The following TMEM132D variants were observed in gnomAD, a reference collection of about 807,000 sequenced individuals.
TMEM132D encodes mature OL transmembrane protein.
A neutral mutation model predicts 62.3 loss-of-function variants in TMEM132D; 21 were observed. The ratio of observed to expected loss-of-function variants is 0.34; its 90% CI spans 0.24 to 0.49. TMEM132D has a LOEUF of 0.49. TMEM132D is among the 20% of genes least tolerant of loss of function. TMEM132D has a pLI of 0.99. For synonymous variants in TMEM132D, 621 were observed against 575.6 expected, an observed-to-expected ratio of 1.08 and a Z score of -1.13; for missense variants, 1,346 against 1,402.8, an observed-to-expected ratio of 0.96 and a Z score of 0.65.
intron 1 of TMEM132D, among the ~76,000 whole-genome samples, chr12:129,778,745 G>C (rs1225470852): frequency 6.6e-6 from 1 of 152,162 alleles, no homozygotes; most frequent in African/African-American, 2.4e-5. Flanking sequence ...ACTATGGAGG[G>C]AGCTGCTATA....
chr12:129,384,071 A>G (rs1871035996), intron 3 of TMEM132D, among the ~76,000 whole-genome samples: 2 of 152,254 alleles, frequency 1.3e-5, no homozygotes, highest in Non-Finnish European at 2.9e-5. Flanking sequence ...TCGTAAAAAA[A>G]GATCTGAGAA....
rs907579509 is a variant in TMEM132D at position 129,362,528 on chromosome 12, TA to T, written c.1116-24712del. 1.6e-3 allele frequency among the ~76,000 whole-genome samples: 238 copies of T among 147,374 alleles called. 2 individuals are homozygous for T. Among genetic ancestry groups the T allele is most frequent in the African/African-American group, 4.9e-3 (197 of 40,216 alleles). The stretch of plus-strand genomic sequence containing the variant: ...TCTTTCATCTCCACATCATGACATT[TA>T]AAAAAAAAACATATTCGCCTGGAAA... On this transcript the variant is annotated intron_variant, in intron 3 of 8. Transcript: ENST00000422113.
intron 5 of TMEM132D, among the ~76,000 whole-genome samples, chr12:129,191,841 A>C (rs893165213): frequency 6.6e-6 from 1 of 152,164 alleles, no homozygotes; most frequent in African/African-American, 2.4e-5. Flanking sequence ...CATGAGGGGC[A>C]GGGACTTTTT....
chr12:129,144,342 T>G (rs944177194), intron 5 of TMEM132D, among the ~76,000 whole-genome samples: 1 of 152,176 alleles, frequency 6.6e-6, no homozygotes, highest in African/African-American at 2.4e-5. Context: ...ACTCTGGGTG[T>G]AATGTCAAAA....
chr12:129,540,445 C>T (rs1876553393), intron 2 of TMEM132D, among the ~76,000 whole-genome samples: 1 of 152,024 alleles, frequency 6.6e-6, no homozygotes, highest in African/African-American at 2.4e-5. Flanking sequence ...AATCAATCTG[C>T]CTCTGGGTGT....
In TMEM132D at chr12:129,433,881, A is replaced by G. The variant is rs79916225; in HGVS notation, c.1116-96064T>C. On this transcript the variant is annotated intron_variant, in intron 3 of 8. Coordinates refer to ENST00000422113, the MANE Select transcript of TMEM132D (RefSeq NM_133448.3). ...GAGAGTTACTGGGCCTGAAGAGACC[A>G]TATGCCAAACCAAACTGACAGTCAG... Among the ~76,000 whole-genome samples the G allele has an allele frequency of 1.2e-3, 179 of 152,334 alleles. 6 individuals carry two copies. In the East Asian group the frequency reaches 0.029, roughly 25 times the overall value.
At chr12:129,468,800 G>A (rs964946241) in intron 3 of TMEM132D, among the ~76,000 whole-genome samples, 8 of 152,146 alleles carry the variant, frequency 5.3e-5, no homozygotes, top group Admixed American at 3.9e-4. Context: ...AGTGCTCCAA[G>A]CTGAAGGTGT....
chr12:129,698,245 G>A (rs1158884437), intron 2 of TMEM132D: 1 of 151,844 alleles, frequency 6.6e-6, no homozygotes, highest in Non-Finnish European at 1.5e-5. Flanking sequence ...GGAAGGGAAC[G>A]CTAATGAAGG....
chr12:129,370,490 T>C (rs1009947357), intron 3 of TMEM132D, among the ~76,000 whole-genome samples: 2 of 152,172 alleles, frequency 1.3e-5, no homozygotes, highest in East Asian at 1.9e-4. Flanking sequence ...ACAACTTGTA[T>C]AGTCAGGTTC....
chr12:129,825,777 G>A, intron 1 of TMEM132D, among the ~76,000 whole-genome samples: 1 of 152,084 alleles, frequency 6.6e-6, no homozygotes, highest in Non-Finnish European at 1.5e-5. Flanking sequence ...TAAAGCGAGG[G>A]GTATAACCAG....
Position 129,388,281 on chromosome 12 carries a change from C to T in TMEM132D, c.1116-50464G>A, listed in dbSNP as rs1275713778. 1.4e-4 allele frequency among the ~76,000 whole-genome samples: 17 copies of T among 125,800 alleles called. 1 individual carries two copies. In the East Asian group the frequency reaches 3.5e-3, roughly 26 times the overall value. The allele number at this position is 125,800 out of a possible 152,430, so 82.5% of individuals were successfully genotyped here. A position where few individuals can be genotyped will look rare whatever the true frequency, so the allele number is the denominator to read the frequency against. Reference sequence around the variant, plus strand: ...CACCAATACTAACACCAACACCAATCCAGCACTGATGATAATATTAACACT... The same window carrying T: ...CACCAATACTAACACCAACACCAATTCAGCACTGATGATAATATTAACACT... On this transcript the variant is annotated intron_variant, in intron 3 of 8. Transcript: ENST00000422113.
intron 4 of TMEM132D, chr12:129,262,860 GATA>G (rs1286272284): frequency 1.3e-5 from 2 of 152,218 alleles, no homozygotes; most frequent in African/African-American, 4.8e-5. Flanking sequence ...TTCAGTTCTA[GATA>G]TCTTTTCCAG....
chr12:129,822,011 A>G (rs1415147367), intron 1 of TMEM132D, among the ~76,000 whole-genome samples: 1 of 152,214 alleles, frequency 6.6e-6, no homozygotes, highest in Non-Finnish European at 1.5e-5. Flanking sequence ...CAAAAGACAG[A>G]CGTGATCTTT....
At chr12:129,533,137 T>A (rs543930388) in intron 2 of TMEM132D, among the ~76,000 whole-genome samples, 1 of 152,320 alleles carries the variant, frequency 6.6e-6, no homozygotes, top group East Asian at 1.9e-4. Flanking sequence ...TCAGCATTTT[T>A]AGAAAATGAT....
intron 4 of TMEM132D, among the ~76,000 whole-genome samples, chr12:129,213,682 G>C (rs1879116816): frequency 6.6e-6 from 1 of 152,164 alleles, no homozygotes; most frequent in African/African-American, 2.4e-5. Flanking sequence ...GAGGAAGCAA[G>C]GGAGAAGAAC....
At chr12:129,461,580 C>A (rs1243041548) in intron 3 of TMEM132D, among the ~76,000 whole-genome samples, 2 of 152,074 alleles carry the variant, frequency 1.3e-5, no homozygotes, top group Non-Finnish European at 2.9e-5. Context: ...TATTCATCTT[C>A]TTACAGGTCT....
chr12:129,174,924 T>C (rs768913989), intron 5 of TMEM132D, among the ~76,000 whole-genome samples: 10 of 152,218 alleles, frequency 6.6e-5, no homozygotes, highest in Admixed American at 1.3e-4. Flanking sequence ...TTGAGGGGGT[T>C]GTTTTTTTCT....
chr12:129,692,422 CT>C (rs1214962502), intron 2 of TMEM132D, among the ~76,000 whole-genome samples: 1 of 152,046 alleles, frequency 6.6e-6, no homozygotes, highest in African/African-American at 2.4e-5. Flanking sequence ...GCCTAAGTTC[CT>C]TGTAGGTGCT....
In TMEM132D at chr12:129,438,680, C is replaced by G. The variant is rs116068322; in HGVS notation, c.1115+92379G>C. 4.1e-3 allele frequency among the ~76,000 whole-genome samples: 622 copies of G among 152,184 alleles called. 10 individuals carry two copies. The highest frequency in any genetic ancestry group is 0.014 in the African/African-American group (592 of 41,500). ...TGGGAAGAAGGAGATGTTCTGTCCT[C>G]GGATCTGACACCTGTATAAGCGACT... On this transcript the variant is annotated intron_variant, in intron 3 of 8. Coordinates refer to ENST00000422113, the MANE Select transcript of TMEM132D (RefSeq NM_133448.3).
Sources: allele counts gnomAD v4.1 joint callset (sites outside exome capture counted in the v4.1 genomes callset), GRCh38; gene constraint gnomAD v4.1.1; transcripts MANE v1.5; gene names NCBI Gene and HGNC (gene_info 2026-07-23, HGNC 2026-07-21).